Variants in APOBEC3B observed in about 807,000 individuals in gnomAD.
The protein encoded by APOBEC3B is apolipoprotein B mRNA editing enzyme catalytic subunit 3B.
In APOBEC3B, 29 loss-of-function variants were observed where a neutral mutation model predicts 53.4. That is an observed-to-expected ratio of 0.54 (90% confidence interval 0.40 to 0.74). The LOEUF is 0.74. Among genes scored for constraint, APOBEC3B ranks in the 30% least tolerant of loss-of-function variants. APOBEC3B has a pLI of 0.00. For synonymous variants in APOBEC3B, 132 were observed against 184.8 expected, an observed-to-expected ratio of 0.71 and a Z score of 2.32; for missense variants, 347 against 496.2, an observed-to-expected ratio of 0.70 and a Z score of 2.86.
intron 4 of APOBEC3B, among the ~76,000 whole-genome samples, chr22:38,987,385 C>T (rs1923784205): frequency 6.8e-6 from 1 of 148,016 alleles, no homozygotes; most frequent in Non-Finnish European, 1.5e-5. Flanking sequence ...TGGGCCACCT[C>T]CCCCACCTGC....
In APOBEC3B at chr22:38,991,639, G is replaced by T; in HGVS notation, c.1018+13G>T. The T allele has an allele frequency of 7.1e-7, 1 of 1,405,644 alleles. No homozygotes were observed. The highest frequency in any genetic ancestry group is 9.8e-7 in the Non-Finnish European group (1 of 1,023,962). 87.1% of individuals were successfully genotyped at this position (1,405,644 alleles called of 1,614,324 possible). A position where few individuals can be genotyped will look rare whatever the true frequency, so the allele number is the denominator to read the frequency against. On this transcript the variant is annotated intron_variant, in intron 6 of 7. Transcript: ENST00000333467. ...ATGACCTACGATGGTAAGAATGGAA[G>T]GTTCAGGTGGGGTGGGGTGGGTGGG...
chr22:38,989,301 G>A (rs1181873609), intron 4 of APOBEC3B, among the ~76,000 whole-genome samples, 156 bp from the exon 5 acceptor site: 2 of 148,346 alleles, frequency 1.3e-5, no homozygotes. Flanking sequence ...CAGAGAGAGA[G>A]GATCAGTGGC....
intron 4 of APOBEC3B, among the ~76,000 whole-genome samples, chr22:38,986,863 G>A (rs1923762246): frequency 6.7e-6 from 1 of 148,600 alleles, no homozygotes; most frequent in Non-Finnish European, 1.5e-5. Context: ...TGGCCTCTGA[G>A]TGTGAAGGCA....
chr22:38,986,158 A>G, intron 3 of APOBEC3B, 67 bp downstream of exon 3: 3 of 1,573,948 alleles, frequency 1.9e-6, no homozygotes, highest in Admixed American at 1.8e-5. Context: ...TGGATCTGCA[A>G]TGCCATGGCT....
At chr22:38,983,456 C>T (rs575721822) in intron 1 of APOBEC3B, among the ~76,000 whole-genome samples, 11 of 149,030 alleles carry the variant, frequency 7.4e-5, no homozygotes, top group Middle Eastern at 3.4e-3. Flanking sequence ...CTACAGGATC[C>T]GTGATGCAGA....
At chr22:38,985,728 C>T in intron 2 of APOBEC3B, 84 bp from the exon 3 acceptor site, 2 of 1,212,732 alleles carry the variant, frequency 1.6e-6, no homozygotes, top group South Asian at 1.5e-5. Context: ...GGCTCCTGTC[C>T]TGGCCCCTCC....
At chr22:38,986,870 G>A (rs1923762477) in intron 4 of APOBEC3B, among the ~76,000 whole-genome samples, 1 of 148,650 alleles carries the variant, frequency 6.7e-6, no homozygotes, top group South Asian at 2.2e-4. Flanking sequence ...TGAGTGTGAA[G>A]GCATGGGGGA....
intron 1 of APOBEC3B, 78 bp downstream of exon 1, chr22:38,982,548 C>T (rs1923574432): frequency 2.6e-6 from 4 of 1,531,736 alleles, no homozygotes; most frequent in Non-Finnish European, 3.6e-6. Context: ...CAACCCTGGC[C>T]TCCCCCCGCC....
intron 4 of APOBEC3B, among the ~76,000 whole-genome samples, chr22:38,988,325 G>C (rs1480340336): frequency 6.7e-6 from 1 of 148,546 alleles, no homozygotes; most frequent in Non-Finnish European, 1.5e-5. Context: ...AAATCCCAGT[G>C]GATAATGATG....
chr22:38,983,702 T>C (rs1923621257), intron 1 of APOBEC3B, among the ~76,000 whole-genome samples: 1 of 149,010 alleles, frequency 6.7e-6, no homozygotes, highest in Non-Finnish European at 1.5e-5. Context: ...ACACGCAGAG[T>C]GAAACATCAG....
chr22:38,988,979 C>A (rs1393306015), intron 4 of APOBEC3B, among the ~76,000 whole-genome samples: 1 of 147,092 alleles, frequency 6.8e-6, no homozygotes, highest in Non-Finnish European at 1.5e-5. Context: ...AAAAAGATGT[C>A]CCTGGCAGGC....
chr22:38,985,495 A>C (rs1025881232), intron 2 of APOBEC3B, among the ~76,000 whole-genome samples: 1 of 148,458 alleles, frequency 6.7e-6, no homozygotes, highest in African/African-American at 2.5e-5. Context: ...GCCCTTCCAG[A>C]TAGAGGGCAA....
chr22:38,991,776 G>A, intron 6 of APOBEC3B, 150 bp downstream of exon 6: 5 of 1,280,910 alleles, frequency 3.9e-6, no homozygotes, highest in Non-Finnish European at 5.2e-6. Flanking sequence ...AGAGAGGCCA[G>A]GCCAGGAGAT....
In APOBEC3B at chr22:38,989,191, G is replaced by C. The variant is rs1279647343; in HGVS notation, c.570-266G>C. ...CAGGGAGAGGGGCAGGGTCCTCCCC[G>C]GAGGGCCTGAGCACACTGAGCTGAC... On this transcript the variant is annotated intron_variant, in intron 4 of 7. Transcript: ENST00000333467. 5.4e-5 allele frequency among the ~76,000 whole-genome samples: 8 copies of C among 147,970 alleles called. 1 individual carries two copies. In the Admixed American group the frequency reaches 5.5e-4, roughly 10 times the overall value.
rs1482965016 is a variant in APOBEC3B at position 38,986,414 on chromosome 22, T to C, written c.569+2T>C. ...CCGCACGCTAAAGGAGATTCTCAGG[T>C]GAGGGTCTCCCTCTGGCCTCATCAT... On this transcript the variant is annotated splice_donor_variant, in intron 4 of 7. Coordinates refer to ENST00000333467, the MANE Select transcript of APOBEC3B (RefSeq NM_004900.5). LOFTEE classifies it high-confidence loss of function. 8 of 1,592,474 alleles carry C rather than the reference T, an allele frequency of 5.0e-6. 1 individual carries two copies. The African/African-American group carries it at 5.4e-5, about 11-fold the overall frequency.
At chr22:38,991,906 T>A in intron 6 of APOBEC3B, 128 bp from the exon 7 acceptor site, 1 of 1,389,448 alleles carries the variant, frequency 7.2e-7, no homozygotes, top group Non-Finnish European at 9.5e-7. Flanking sequence ...GCTAAGTCCC[T>A]AGGGGAGGGA....
chr22:38,988,681 T>TTCTCTCTTTCTCTCTCTCTCTCTC (rs58110435), intron 4 of APOBEC3B, among the ~76,000 whole-genome samples: 2 of 63,630 alleles, frequency 3.1e-5, no homozygotes, highest in East Asian at 1.0e-3. Flanking sequence ...CTTTCTCTCT[T>TTCTCTCTTTCTCTCTCTCTCTCTC]TCTCTTTCTT....
chr22:38,984,331 T>A, intron 2 of APOBEC3B, 100 bp downstream of exon 2: 1 of 1,373,802 alleles, frequency 7.3e-7, no homozygotes, highest in Non-Finnish European at 9.7e-7. Flanking sequence ...TTAGGTGCAC[T>A]GGTTCAGCAG....
rs58110435 is a variant in APOBEC3B at position 38,988,681 on chromosome 22, T to TTCTCTCTTTCTCTCTC, written c.570-771_570-770insCTTTCTCTCTCTCTCT. Among the ~76,000 whole-genome samples the TTCTCTCTTTCTCTCTC allele has an allele frequency of 1.3e-4, 8 of 63,626 alleles. 1 individual carries two copies. Among genetic ancestry groups the TTCTCTCTTTCTCTCTC allele is most frequent in the East Asian group, 1.0e-3 (1 of 1,002 alleles). 41.7% of individuals were successfully genotyped at this position (63,626 alleles called of 152,430 possible). A position where few individuals can be genotyped will look rare whatever the true frequency, so the allele number is the denominator to read the frequency against. Reference sequence around the variant, plus strand: ...CCTTGCTTCCTCTCTCTTTCTCTCTTTCTCTTTCTTTCTTTCTTTCTTTCT... The same window carrying TTCTCTCTTTCTCTCTC: ...CCTTGCTTCCTCTCTCTTTCTCTCTTTCTCTCTTTCTCTCTCTCTCTTTCTTTCTTTCTTTCTTTCT... On this transcript the variant is annotated intron_variant, in intron 4 of 7. Coordinates refer to ENST00000333467, the MANE Select transcript of APOBEC3B (RefSeq NM_004900.5).
Sources: gnomAD v4.1 joint callset for allele counts (sites outside exome capture counted in the v4.1 genomes callset) on GRCh38, gnomAD v4.1.1 for gene constraint, MANE v1.5 for transcripts, NCBI Gene and HGNC (gene_info 2026-07-23, HGNC 2026-07-21) for gene names.